ATP1B3: variants seen among roughly 807,000 people sequenced by gnomAD.
ATP1B3 encodes ATPase Na+/K+ transporting subunit beta 3, also known as sodium/potassium-transporting ATPase subunit beta-3.
In ATP1B3, 10 loss-of-function variants were observed where a neutral mutation model predicts 30.2. The ratio of observed to expected loss-of-function variants is 0.33; its 90% CI spans 0.20 to 0.56. The LOEUF (loss-of-function observed/expected upper bound fraction) is 0.56. Ranked by LOEUF, ATP1B3 falls within the 20% of genes least tolerant of loss-of-function variation. The probability of loss-of-function intolerance (pLI) is 0.90; values close to 1 mark genes in which losing one functional copy is unlikely to be tolerated. For missense variants in ATP1B3, 238 were observed against 336.7 expected (o/e 0.71, Z 2.29); for synonymous variants, 113 against 117.0 (o/e 0.97, Z 0.22).
chr3:141,882,702 G>C (rs1933751901), intron 1 of ATP1B3, among the ~76,000 whole-genome samples: 1 of 152,158 alleles, frequency 6.6e-6, no homozygotes, highest in African/African-American at 2.4e-5. Context: ...TCCTGCCTCA[G>C]CCTCCCAAGT....
At chr3:141,923,636 G>C (rs1220806807) in intron 6 of ATP1B3, among the ~76,000 whole-genome samples, 1 of 152,226 alleles carries the variant, frequency 6.6e-6, no homozygotes, top group Non-Finnish European at 1.5e-5. Context: ...TGTAGACTTT[G>C]TTGAAAATCC....
At chr3:141,899,502 G>T (rs1038035580) in intron 1 of ATP1B3, among the ~76,000 whole-genome samples, 8 of 152,112 alleles carry the variant, frequency 5.3e-5, no homozygotes, top group Non-Finnish European at 8.8e-5. Context: ...TGTTGAGGGG[G>T]CATATTTCCA....
At chr3:141,877,357 C>G (rs930269057) in intron 1 of ATP1B3, among the ~76,000 whole-genome samples, 2 of 152,276 alleles carry the variant, frequency 1.3e-5, no homozygotes, top group South Asian at 2.1e-4. Flanking sequence ...AAGCCAGACC[C>G]TGCCCCACTC....
In ATP1B3 at chr3:141,876,734, GCGCCTCCGCAGCCCTCGC is replaced by G. The variant is rs1262623017; in HGVS notation, c.-60_-43del. The G allele has an allele frequency of 3.2e-6, 4 of 1,265,794 alleles. No individual in the cohort carries two copies. In the East Asian group the frequency reaches 8.1e-5, roughly 26 times the overall value. The allele number at this position is 1,265,794 out of a possible 1,614,324, so 78.4% of individuals were successfully genotyped here. On this transcript the variant is annotated 5_prime_UTR_variant, in exon 1 of 7. Coordinates refer to ENST00000286371, the MANE Select transcript of ATP1B3 (RefSeq NM_001679.4). Reference sequence around the variant, plus strand: ...CGGGCTGCGCCGCCGGAGCCGGGACGCGCCTCCGCAGCCCTCGCCGCCTCCATCCCCGCGGCCGCAGCT... The same window carrying G: ...CGGGCTGCGCCGCCGGAGCCGGGACGCGCCTCCATCCCCGCGGCCGCAGCT...
At chr3:141,904,212 G>T (rs943219197) in intron 2 of ATP1B3, among the ~76,000 whole-genome samples, 5 of 151,822 alleles carry the variant, frequency 3.3e-5, no homozygotes, top group Non-Finnish European at 7.4e-5. Context: ...TGTTGTTGTT[G>T]TTTAATATTT....
Position 141,887,348 on chromosome 3 carries a change from T to C in ATP1B3, c.109+10438T>C, listed in dbSNP as rs78543567. Among the ~76,000 whole-genome samples the C allele has an allele frequency of 6.9e-3, 1,048 of 152,352 alleles. 11 individuals are homozygous for C. Among genetic ancestry groups the C allele is most frequent in the African/African-American group, 0.024 (990 of 41,584 alleles). On this transcript the variant is annotated intron_variant, in intron 1 of 6. Coordinates refer to ENST00000286371, the MANE Select transcript of ATP1B3 (RefSeq NM_001679.4). ...ATGTGGACTCTTGGCTTTGTTCTTT[T>C]CTTATAACAAAAGTAACACCATTAT...
At chr3:141,912,923 C>T (rs1934391468) in intron 3 of ATP1B3, among the ~76,000 whole-genome samples, 1 of 152,192 alleles carries the variant, frequency 6.6e-6, no homozygotes, top group Admixed American at 6.6e-5. Flanking sequence ...AGTCTCCTAA[C>T]TTGTTTTCCG....
At chr3:141,925,429 A>G in intron 6 of ATP1B3, 102 bp from the exon 7 acceptor site, 1 of 1,276,704 alleles carries the variant, frequency 7.8e-7, no homozygotes, top group Non-Finnish European at 1.1e-6. Context: ...AGCCTGGGCA[A>G]CAGTCTCAAA....
chr3:141,916,476 C>CT (rs35347743), intron 5 of ATP1B3: 44 of 1,044,148 alleles, frequency 4.2e-5, no homozygotes, highest in Non-Finnish European at 5.2e-5. Context: ...TCCCTACTTA[C>CT]TTTTTTTTCC....
chr3:141,882,921 A>C (rs552293105), intron 1 of ATP1B3, among the ~76,000 whole-genome samples: 1 of 152,232 alleles, frequency 6.6e-6, no homozygotes, highest in Non-Finnish European at 1.5e-5. Flanking sequence ...CCACCTGCCT[A>C]TCAGAAATCT....
chr3:141,880,146 C>T (rs899503429), intron 1 of ATP1B3, among the ~76,000 whole-genome samples: 4 of 152,096 alleles, frequency 2.6e-5, no homozygotes, highest in African/African-American at 9.7e-5. Flanking sequence ...AAAAAGCACA[C>T]ATATTTAAAA....
chr3:141,904,710 T>G (rs1934231943), intron 2 of ATP1B3, among the ~76,000 whole-genome samples: 1 of 143,496 alleles, frequency 7.0e-6, no homozygotes, highest in Non-Finnish European at 1.5e-5. Flanking sequence ...AGTCTTTTTT[T>G]TTTTTTTTTT....
Position 141,915,965 on chromosome 3 carries a change from C to T in ATP1B3, c.532-5C>T, listed in dbSNP as rs1934455433. 6.3e-7 allele frequency: 1 copy of T among 1,599,534 alleles called. No homozygotes were observed. The highest frequency in any genetic ancestry group is 1.3e-5 in the African/African-American group (1 of 74,668). On this transcript the variant is annotated splice_region_variant and splice_polypyrimidine_tract_variant and intron_variant, in intron 4 of 6. Coordinates refer to ENST00000286371, the MANE Select transcript of ATP1B3 (RefSeq NM_001679.4). ...TTTAAATTTATCACTATTTCTTAAC[C>T]TTAGATAATTGGATTAAAGCCTGAA...
At chr3:141,903,774 G>T in intron 2 of ATP1B3, 26 bp downstream of exon 2, 3 of 1,592,958 alleles carry the variant, frequency 1.9e-6, no homozygotes, top group South Asian at 1.1e-5. Flanking sequence ...TTATGACTTT[G>T]TTTTTTGTTT....
chr3:141,905,724 G>C (rs147624378), intron 2 of ATP1B3, among the ~76,000 whole-genome samples: 67 of 152,118 alleles, frequency 4.4e-4, no homozygotes, highest in Non-Finnish European at 7.5e-4. Flanking sequence ...CTAATTCTAA[G>C]ATTATTCTTT....
At chr3:141,897,956 TG>T (rs1474460301) in intron 1 of ATP1B3, among the ~76,000 whole-genome samples, 1 of 152,198 alleles carries the variant, frequency 6.6e-6, no homozygotes, top group African/African-American at 2.4e-5. Context: ...GTGATCTGCC[TG>T]CCTCGGCCTC....
intron 5 of ATP1B3, among the ~76,000 whole-genome samples, chr3:141,918,050 G>C (rs1934501054): frequency 6.6e-6 from 1 of 152,060 alleles, no homozygotes; most frequent in Non-Finnish European, 1.5e-5. Flanking sequence ...TTACAGGCGT[G>C]AGCCACCGCG....
At chr3:141,885,335 C>T (rs1933806881) in intron 1 of ATP1B3, among the ~76,000 whole-genome samples, 1 of 152,212 alleles carries the variant, frequency 6.6e-6, no homozygotes, top group African/African-American at 2.4e-5. Flanking sequence ...GCTCATTTTT[C>T]CTAGCTTCAT....
chr3:141,905,850 G>A (rs1288265631), intron 2 of ATP1B3, among the ~76,000 whole-genome samples: 1 of 151,880 alleles, frequency 6.6e-6, no homozygotes. Flanking sequence ...ATATTTTTAA[G>A]TACACAGTTT....
Sources: gnomAD v4.1 joint callset for allele counts (sites outside exome capture counted in the v4.1 genomes callset) on GRCh38, gnomAD v4.1.1 for gene constraint, MANE v1.5 for transcripts, NCBI Gene and HGNC (gene_info 2026-07-23, HGNC 2026-07-21) for gene names.